Variants in MOV10L1 observed in about 807,000 individuals in gnomAD.
MOV10L1 encodes the protein Mov10 like RNA helicase 1.
MOV10L1 carries 110 observed loss-of-function variants against 143.8 expected under a neutral mutation model. The ratio of observed to expected loss-of-function variants is 0.76; its 90% CI spans 0.66 to 0.90. MOV10L1 has a LOEUF of 0.90. MOV10L1 is among the 40% of genes least tolerant of loss of function. The pLI is 0.00. For missense variants in MOV10L1, 1,406 were observed against 1,526.8 expected (o/e 0.92, Z 1.32); for synonymous variants, 593 against 581.1 (o/e 1.02, Z -0.29).
chr22:50,109,179 A>G (rs189786833), intron 5 of MOV10L1, among the ~76,000 whole-genome samples: 1 of 152,126 alleles, frequency 6.6e-6, no homozygotes, highest in Admixed American at 6.5e-5. Flanking sequence ...GGGATGTGAA[A>G]GGCCCCATAT....
chr22:50,156,304 C>T (rs1320484248), intron 22 of MOV10L1, among the ~76,000 whole-genome samples: 3 of 151,790 alleles, frequency 2.0e-5, no homozygotes, highest in Non-Finnish European at 2.9e-5. Context: ...TTAGTAGAGA[C>T]GGGGTTTCAC....
At chr22:50,153,704 C>T (rs146769028) in intron 22 of MOV10L1, among the ~76,000 whole-genome samples, 115 of 152,328 alleles carry the variant, frequency 7.5e-4, no homozygotes, top group African/African-American at 2.6e-3. Flanking sequence ...GGGCCACCAC[C>T]CCCTCTCCAA....
At chr22:50,128,965 T>A (rs999406558) in intron 13 of MOV10L1, among the ~76,000 whole-genome samples, 1 of 151,746 alleles carries the variant, frequency 6.6e-6, no homozygotes, top group East Asian at 1.9e-4. Flanking sequence ...CCATGCCCAG[T>A]TAATTTGTCT....
chr22:50,161,681 A>T lies in MOV10L1; in HGVS notation c.*232A>T. 1 of 487,216 alleles carries T rather than the reference A, an allele frequency of 2.1e-6. No homozygotes were observed. 30.2% of individuals were successfully genotyped at this position (487,216 alleles called of 1,614,324 possible). Reference sequence around the variant, plus strand: ...CTACCCTGAAATAAACCCTCGAGTGACCCCCAGAAGCCTTTCCACCTCGAG... The same window carrying T: ...CTACCCTGAAATAAACCCTCGAGTGTCCCCCAGAAGCCTTTCCACCTCGAG... On this transcript the variant is annotated 3_prime_UTR_variant, in exon 27 of 27. Coordinates refer to ENST00000262794, the MANE Select transcript of MOV10L1 (RefSeq NM_018995.3).
chr22:50,138,327 T>C (rs887405388), intron 15 of MOV10L1, among the ~76,000 whole-genome samples: 2 of 152,088 alleles, frequency 1.3e-5, no homozygotes, highest in Non-Finnish European at 2.9e-5. Flanking sequence ...TCCAGCACTT[T>C]GGGAGGCTGA....
intron 24 of MOV10L1, among the ~76,000 whole-genome samples, chr22:50,160,413 A>G (rs1176044777): frequency 1.4e-5 from 2 of 142,472 alleles, no homozygotes; most frequent in African/African-American, 5.1e-5. Flanking sequence ...CGCCCAGCTA[A>G]TTTTTTTTTT....
intron 9 of MOV10L1, among the ~76,000 whole-genome samples, chr22:50,117,713 G>A (rs942584534): frequency 2.0e-5 from 3 of 152,204 alleles, no homozygotes; most frequent in African/African-American, 4.8e-5. Context: ...TGTAGTGCAC[G>A]GCATCCCCGT....
chr22:50,137,039 A>G (rs1378052879), intron 15 of MOV10L1, among the ~76,000 whole-genome samples: 1 of 152,204 alleles, frequency 6.6e-6, no homozygotes, highest in African/African-American at 2.4e-5. Flanking sequence ...GCTGTTCCCA[A>G]ATAATTGGAT....
In MOV10L1 at chr22:50,159,729, G is replaced by A; in HGVS notation, c.3268G>A (p.Val1090Ile). The change falls in exon 24 of 27, where the codon GTT becomes ATT. Residue 1090 changes from valine (V) to isoleucine (I), a missense_variant. Val to Ile is a conservative substitution (Grantham distance 29). This residue lies in a region of MOV10L1 where 1,233 missense variants were observed against 1,351.4 expected (regional missense o/e 0.91). Transcript: ENST00000262794. The surrounding 1 kb of genome is among the most constrained non-coding windows in gnomAD (Gnocchi z 4.1). ...LRNVDLMDIK[V>I]GSVEEFQGQE... ...TAATGTTGATCTGATGGATATAAAG[G>A]TTGGATCAGTAGAGGAGTTTCAAGG... The A allele has an allele frequency of 7.4e-6, 12 of 1,613,660 alleles. No individual in the cohort carries two copies. Among genetic ancestry groups the A allele is most frequent in the Non-Finnish European group, 1.0e-5 (12 of 1,179,728 alleles).
intron 3 of MOV10L1, among the ~76,000 whole-genome samples, chr22:50,104,013 T>A (rs943308364): frequency 2.6e-5 from 4 of 152,146 alleles, no homozygotes; most frequent in African/African-American, 9.7e-5. Context: ...GAGCTTGTTT[T>A]CCCAGAACTA....
chr22:50,159,681 G>A lies in MOV10L1; in HGVS notation c.3220G>A (p.Glu1074Lys), dbSNP rs756419411. The A allele has an allele frequency of 2.5e-6, 4 of 1,600,588 alleles. No individual in the cohort carries two copies. The South Asian group carries it at 3.3e-5, about 13-fold the overall frequency. ...GVITPYRKQVEKIRILLRNVD... is the reference protein window; with the variant it reads ...GVITPYRKQVKKIRILLRNVD... ...TTTCTTTTAATCTGTTCTCAAGGTG[G>A]AGAAAATCAGAATTCTTTTGCGTAA... Residue 1074 changes from glutamate (E) to lysine (K), a missense_variant, in exon 24 of 27, where the codon GAG becomes AAG. Glu to Lys is a moderately conservative substitution (Grantham distance 56). Around this residue, in one of 3 missense-constraint regions of MOV10L1, gnomAD observed 1,233 missense variants for 1,351.4 expected, o/e 0.91. Coordinates refer to ENST00000262794, the MANE Select transcript of MOV10L1 (RefSeq NM_018995.3). This position sits in a 1 kb window ranked among gnomAD's most constrained non-coding sequence, Gnocchi z 4.1.
intron 2 of MOV10L1, chr22:50,096,276 A>G (rs941509241): frequency 3.3e-5 from 5 of 152,172 alleles, no homozygotes; most frequent in African/African-American, 7.2e-5. Context: ...GTGTCTGGCT[A>G]TTTGACTTCT....
intron 8 of MOV10L1, 89 bp from the exon 9 acceptor site, chr22:50,117,066 CTG>C: frequency 8.5e-7 from 1 of 1,170,690 alleles, no homozygotes; most frequent in East Asian, 2.3e-5. Flanking sequence ...AGTCTTAACT[CTG>C]TCACTTTTCT....
At chr22:50,133,871 CATTG>C in intron 13 of MOV10L1, 132 bp from the exon 14 acceptor site, 1 of 763,270 alleles carries the variant, frequency 1.3e-6, no homozygotes, top group Non-Finnish European at 2.1e-6. Context: ...TTCTCTATTT[CATTG>C]ATTGTTGGAT....
intron 26 of MOV10L1, 27 bp from the exon 27 acceptor site, chr22:50,161,341 G>A (rs1251986325): frequency 6.5e-7 from 1 of 1,532,918 alleles, no homozygotes; most frequent in African/African-American, 1.4e-5. Context: ...CTGGCTCACT[G>A]GCCATCCGCT....
chr22:50,108,227 G>C lies in MOV10L1; in HGVS notation c.534G>C (p.Leu178=). The change falls in exon 4 of 27, where the codon CTG becomes CTC. Residue 178 remains leucine, a synonymous_variant. Transcript: ENST00000262794. ...WSSEATSVKP[L]RYKRVDKVCI... ...GCGAAGCCACCTCAGTGAAGCCACT[G>C]AGATACAAGCGCGTGGACAAGGTAG... 2 of 1,613,934 alleles carry C rather than the reference G, an allele frequency of 1.2e-6. No individual in the cohort carries two copies. The highest frequency in any genetic ancestry group is 1.7e-6 in the Non-Finnish European group (2 of 1,179,946).
intron 13 of MOV10L1, among the ~76,000 whole-genome samples, chr22:50,133,654 C>T (rs1433538700): frequency 1.8e-4 from 27 of 152,098 alleles, no homozygotes; most frequent in African/African-American, 6.3e-4. Context: ...GATTCTCATG[C>T]CTCAGCCTCC....
chr22:50,090,416 GC>G, intron 1 of MOV10L1: 1 of 1,582,498 alleles, frequency 6.3e-7, no homozygotes. Context: ...GGTGACACCA[GC>G]CCCTCTTCCC....
chr22:50,093,745 G>A (rs1008009823), intron 2 of MOV10L1: 1 of 152,118 alleles, frequency 6.6e-6, no homozygotes, highest in East Asian at 1.9e-4. Flanking sequence ...TCCTGGCCTC[G>A]AGTGGTCCTT....
Sources: gnomAD v4.1 joint callset for allele counts (sites outside exome capture counted in the v4.1 genomes callset) on GRCh38, gnomAD v4.1.1 for gene constraint, gnomAD v4.1.1 regional missense constraint, Gnocchi (gnomAD v3.1) non-coding constraint, MANE v1.5 for transcripts, NCBI Gene and HGNC (gene_info 2026-07-23, HGNC 2026-07-21) for gene names.